Variants in SFMBT2 observed in about 807,000 individuals in gnomAD.
SFMBT2 encodes the protein scm-like with four MBT domains protein 2.
SFMBT2 carries 38 observed loss-of-function variants against 110.1 expected under a neutral mutation model. The observed-to-expected ratio is 0.35, with a 90% CI of 0.27 to 0.45. The LOEUF is 0.45. SFMBT2 is among the 20% of genes least tolerant of loss of function. The pLI is 1.00. For missense variants in SFMBT2, 1,011 were observed against 1,094.9 expected, an observed-to-expected ratio of 0.92 and a Z score of 1.08; for synonymous variants, 425 against 425.4, an observed-to-expected ratio of 1.00 and a Z score of 0.01.
chr10:7,301,540 C>T lies in SFMBT2; in HGVS notation c.437-15586G>A, dbSNP rs2131882113. On this transcript the variant is annotated intron_variant, in intron 4 of 20. Transcript: ENST00000397167. The surrounding 1 kb of genome is among the most constrained non-coding windows in gnomAD (Gnocchi z 4.2). ...CATCGGCAGTTAGTGGCACACTTTC[C>T]ACTGAGACAGTGGGGGCAGGTCCCC... Among the ~76,000 whole-genome samples the T allele has an allele frequency of 6.6e-6, 1 of 152,346 alleles. No homozygotes were observed. Among genetic ancestry groups the T allele is most frequent in the East Asian group, 1.9e-4 (1 of 5,174 alleles).
At chr10:7,255,317 T>C (rs1162540185) in intron 7 of SFMBT2, among the ~76,000 whole-genome samples, 1 of 152,236 alleles carries the variant, frequency 6.6e-6, no homozygotes, top group East Asian at 1.9e-4. Context: ...AGAGAATCAT[T>C]CACACTTTGC....
intron 6 of SFMBT2, among the ~76,000 whole-genome samples, chr10:7,277,731 A>C (rs1841828599): frequency 6.6e-6 from 1 of 152,204 alleles, no homozygotes; most frequent in South Asian, 2.1e-4. Context: ...AGACCTTATC[A>C]AAATAGGATT....
At chr10:7,187,048 T>C (rs188795951) in intron 16 of SFMBT2, among the ~76,000 whole-genome samples, 9 of 152,360 alleles carry the variant, frequency 5.9e-5, no homozygotes, top group Admixed American at 2.0e-4. Flanking sequence ...TCAGGCTGGA[T>C]TTAATAAAAA....
chr10:7,343,902 T>C (rs1440285588), intron 4 of SFMBT2, among the ~76,000 whole-genome samples: 1 of 152,222 alleles, frequency 6.6e-6, no homozygotes, highest in East Asian at 1.9e-4. Context: ...AATCTTGGCA[T>C]GGTTGTTGGA....
chr10:7,309,244 G>A (rs1056299694), intron 4 of SFMBT2, among the ~76,000 whole-genome samples: 4 of 152,200 alleles, frequency 2.6e-5, no homozygotes, highest in African/African-American at 7.2e-5. Flanking sequence ...CCTGAATGCT[G>A]GAGCAAGACG....
intron 15 of SFMBT2, among the ~76,000 whole-genome samples, chr10:7,194,504 T>C (rs550321793): frequency 6.6e-6 from 1 of 152,102 alleles, no homozygotes; most frequent in Non-Finnish European, 1.5e-5. Context: ...TCACTGCACA[T>C]CTCCTACACA....
intron 10 of SFMBT2, among the ~76,000 whole-genome samples, chr10:7,227,512 C>G (rs1442443986): frequency 1.3e-5 from 2 of 152,212 alleles, no homozygotes; most frequent in Admixed American, 6.5e-5. Context: ...GTGATACCTT[C>G]TCCTCTATTT....
Position 7,171,919 on chromosome 10 carries a change from C to T in SFMBT2, c.2391G>A (p.Pro797=), listed in dbSNP as rs568359802. 1.3e-5 allele frequency: 19 copies of T among 1,439,464 alleles called. No individual in the cohort carries two copies. The African/African-American group carries it at 1.6e-4, about 12-fold the overall frequency. The allele number at this position is 1,439,464 out of a possible 1,614,324, so 89.2% of individuals were successfully genotyped here. ...ASSAEEGEKC[P]PTKPEGTEDT... is the part of the protein sequence containing the mutation. ...CCTCTGTCCCCTCGGGCTTGGTCGG[C>T]GGGCACTTCTCCCCTTCCTCTGCTG... Residue 797 remains proline, a synonymous_variant, in exon 19 of 21, where the codon CCG becomes CCA. Coordinates refer to ENST00000397167, the MANE Select transcript of SFMBT2 (RefSeq NM_001387889.1). This position sits in a 1 kb window ranked among gnomAD's most constrained non-coding sequence, Gnocchi z 4.9.
Position 7,395,117 on chromosome 10 carries a change from G to A in SFMBT2, c.-51-13168C>T, listed in dbSNP as rs549510901. Among the ~76,000 whole-genome samples the A allele has an allele frequency of 9.2e-5, 14 of 152,192 alleles. No homozygotes were observed. In the South Asian group the frequency reaches 2.7e-3, roughly 29 times the overall value. ...GTGGATTACCTGAGGTCAGGAGTTCGAGACCAGTCTGGCCAACATAATGAA... is the reference window on the plus strand; with the variant it reads ...GTGGATTACCTGAGGTCAGGAGTTCAAGACCAGTCTGGCCAACATAATGAA... On this transcript the variant is annotated intron_variant, in intron 1 of 20. Coordinates refer to ENST00000397167, the MANE Select transcript of SFMBT2 (RefSeq NM_001387889.1).
At chr10:7,269,390 C>T (rs1841499778) in intron 7 of SFMBT2, among the ~76,000 whole-genome samples, 2 of 152,296 alleles carry the variant, frequency 1.3e-5, no homozygotes, top group Non-Finnish European at 2.9e-5. Context: ...CGTGTGAACA[C>T]ATCCCCCCAA....
At chr10:7,210,558 G>A (rs970125556) in intron 11 of SFMBT2, among the ~76,000 whole-genome samples, 3 of 152,222 alleles carry the variant, frequency 2.0e-5, no homozygotes, top group Non-Finnish European at 2.9e-5. Flanking sequence ...GTATTTAAGG[G>A]AATGTGTTAA....
rs184320615 is a variant in SFMBT2, at chr10:7,375,934, C to A, written c.101-5559G>T. On this transcript the variant is annotated intron_variant, in intron 2 of 20. Coordinates refer to ENST00000397167, the MANE Select transcript of SFMBT2 (RefSeq NM_001387889.1). ...AATTTTTCTAAGAAAAATGTTGATT[C>A]CTTTCCTTCCCAAATAGAAGAGCCT... 2.0e-5 allele frequency among the ~76,000 whole-genome samples: 3 copies of A among 152,234 alleles called. No individual in the cohort carries two copies. In the East Asian group the frequency reaches 5.8e-4, roughly 29 times the overall value.
chr10:7,247,746 C>T (rs1370041918), intron 8 of SFMBT2, among the ~76,000 whole-genome samples: 2 of 152,156 alleles, frequency 1.3e-5, no homozygotes, highest in Admixed American at 6.5e-5. Context: ...AAACACACAT[C>T]GGCCAAGAAT....
chr10:7,324,338 T>C (rs941465479), intron 4 of SFMBT2, among the ~76,000 whole-genome samples: 4 of 152,166 alleles, frequency 2.6e-5, no homozygotes, highest in African/African-American at 4.8e-5. Flanking sequence ...TGCTAAACAC[T>C]GCGGTTCAGC....
At position 7,172,409 on chromosome 10, in the gene SFMBT2, C is replaced by G. The variant is rs1046912716; in HGVS notation, c.2151+86G>C. ...GACCATCTTGCCACAATCTCCAGGG[C>G]CACCTCTGCTGTGAAGCAGCCACAC... On this transcript the variant is annotated intron_variant, in intron 18 of 20. Coordinates refer to ENST00000397167, the MANE Select transcript of SFMBT2 (RefSeq NM_001387889.1). The surrounding 1 kb of genome is among the most constrained non-coding windows in gnomAD (Gnocchi z 4.6). 5 of 1,595,058 alleles carry G rather than the reference C, an allele frequency of 3.1e-6. No individual in the cohort carries two copies. The highest frequency in any genetic ancestry group is 4.3e-6 in the Non-Finnish European group (5 of 1,172,366).
intron 9 of SFMBT2, 144 bp downstream of exon 9, chr10:7,243,414 C>G: frequency 1.5e-6 from 1 of 645,534 alleles, no homozygotes; most frequent in Non-Finnish European, 2.7e-6. Context: ...ACACCTATGT[C>G]AAGCTGATGA....
At chr10:7,237,618 C>A (rs564270568) in intron 9 of SFMBT2, among the ~76,000 whole-genome samples, 44 of 152,140 alleles carry the variant, frequency 2.9e-4, no homozygotes, top group Non-Finnish European at 5.4e-4. Flanking sequence ...AGCTTCAATT[C>A]ATTCAACCTC....
chr10:7,314,057 G>A lies in SFMBT2; in HGVS notation c.437-28103C>T, dbSNP rs957823957. On this transcript the variant is annotated intron_variant, in intron 4 of 20. Transcript: ENST00000397167. The stretch of plus-strand genomic sequence containing the variant: ...AGTTACTTTTGTCATTTTTTAAAAA[G>A]TAATGGAAAAATAGCATGAACCCCT... Among the ~76,000 whole-genome samples, 21 of 152,222 alleles carry A rather than the reference G, an allele frequency of 1.4e-4. No homozygotes were observed. In the East Asian group the frequency reaches 3.9e-3, roughly 28 times the overall value.
chr10:7,213,750 C>T (rs1037379757), intron 11 of SFMBT2, among the ~76,000 whole-genome samples: 3 of 147,912 alleles, frequency 2.0e-5, no homozygotes, highest in South Asian at 4.3e-4. Flanking sequence ...GATCCGTGTG[C>T]GAGGCCATGG....
Sources: allele counts gnomAD v4.1 joint callset (sites outside exome capture counted in the v4.1 genomes callset), GRCh38; gene constraint gnomAD v4.1.1; non-coding constraint Gnocchi (gnomAD v3.1); transcripts MANE v1.5; gene names NCBI Gene and HGNC (gene_info 2026-07-23, HGNC 2026-07-21).